PRKAR1B: variants seen among roughly 807,000 people sequenced by gnomAD.
PRKAR1B encodes cAMP-dependent protein kinase type I-beta regulatory subunit.
PRKAR1B carries 22 observed loss-of-function variants against 46.5 expected under a neutral mutation model. That is an observed-to-expected ratio of 0.47 (90% CI 0.34 to 0.68). PRKAR1B has a LOEUF of 0.68. Ranked by LOEUF, PRKAR1B falls within the 30% of genes least tolerant of loss-of-function variation. The pLI, the probability that PRKAR1B is intolerant of heterozygous loss-of-function variation, is 0.01. For synonymous variants in PRKAR1B, 259 were observed against 217.7 expected (o/e 1.19, Z -1.67); for missense variants, 445 against 535.6 (o/e 0.83, Z 1.67).
At chr7:659,383 T>A (rs913333749) in intron 4 of PRKAR1B, among the ~76,000 whole-genome samples, 1 of 152,134 alleles carries the variant, frequency 6.6e-6, no homozygotes, top group African/African-American at 2.4e-5. Flanking sequence ...ATAGCTTCCA[T>A]CCTAGTGGAG....
intron 9 of PRKAR1B, among the ~76,000 whole-genome samples, chr7:569,056 T>A (rs1430514630): frequency 6.6e-6 from 1 of 150,562 alleles, no homozygotes; most frequent in African/African-American, 2.4e-5. Context: ...TTGTATAATG[T>A]TACTTACATT....
chr7:710,739 G>A (rs1049308624), intron 2 of PRKAR1B, among the ~76,000 whole-genome samples: 14 of 143,162 alleles, frequency 9.8e-5, no homozygotes, highest in Non-Finnish European at 1.4e-4. Flanking sequence ...TCCACCTCCC[G>A]GTTCAAGCAA....
At chr7:586,486 C>G (rs1256822710) in intron 7 of PRKAR1B, among the ~76,000 whole-genome samples, 1 of 152,224 alleles carries the variant, frequency 6.6e-6, no homozygotes, top group Non-Finnish European at 1.5e-5. Context: ...AGAGGAGGAG[C>G]AGCACCTTCC....
intron 2 of PRKAR1B, among the ~76,000 whole-genome samples, chr7:698,988 A>G (rs1703820636): frequency 6.6e-6 from 1 of 152,176 alleles, no homozygotes; most frequent in Admixed American, 6.5e-5. Context: ...ACACAGGGGC[A>G]CCAGCCTTGC....
rs1458420024 is a variant in PRKAR1B at position 670,842 on chromosome 7, G to A, written c.440+6387C>T. ...CCGTGGCATCCGGCAGCGGGGCTCC[G>A]GACCGAGGACAGCCTCCGAGCTCCC... is the stretch of plus-strand genomic sequence containing the variant. On this transcript the variant is annotated intron_variant, in intron 4 of 10. Transcript: ENST00000537384. Among the ~76,000 whole-genome samples, 8 of 151,538 alleles carry A rather than the reference G, an allele frequency of 5.3e-5. No individual in the cohort carries two copies. In the South Asian group the frequency reaches 8.3e-4, roughly 16 times the overall value.
At chr7:606,160 G>A (rs370509663) in intron 6 of PRKAR1B, 33 bp downstream of exon 6, 23 of 1,611,392 alleles carry the variant, frequency 1.4e-5, no homozygotes, top group Middle Eastern at 1.7e-4. Context: ...GCAAAGACGC[G>A]CTATTTTCCA....
At chr7:695,635 C>T (rs1583431548) in intron 2 of PRKAR1B, among the ~76,000 whole-genome samples, 4 of 151,456 alleles carry the variant, frequency 2.6e-5, no homozygotes, top group South Asian at 2.1e-4. Context: ...AGCCAGCCAC[C>T]GGTGGGGTCA....
At chr7:569,961 G>A (rs967191146) in intron 9 of PRKAR1B, among the ~76,000 whole-genome samples, 12 of 152,338 alleles carry the variant, frequency 7.9e-5, no homozygotes, top group South Asian at 6.2e-4. Context: ...GCCCAGCCCC[G>A]GGGTTCTGGA....
intron 9 of PRKAR1B, among the ~76,000 whole-genome samples, chr7:555,743 A>C (rs1029775183): frequency 1.3e-5 from 2 of 152,154 alleles, no homozygotes; most frequent in African/African-American, 4.8e-5. Flanking sequence ...CCAAGGCCAC[A>C]CAGTCAGAGT....
intron 4 of PRKAR1B, among the ~76,000 whole-genome samples, chr7:647,437 GCTCCCA>G (rs1283563584): frequency 2.0e-5 from 3 of 151,752 alleles, no homozygotes; most frequent in Non-Finnish European, 4.4e-5. Context: ...CCCCCCAGCA[GCTCCCA>G]CTCCGTCCGG....
chr7:703,099 G>A (rs530140988), intron 2 of PRKAR1B, among the ~76,000 whole-genome samples: 3 of 152,246 alleles, frequency 2.0e-5, no homozygotes, highest in South Asian at 2.1e-4. Flanking sequence ...TCCTAATAAT[G>A]TGGCTGTATT....
chr7:570,705 G>A (rs756765096), intron 9 of PRKAR1B, among the ~76,000 whole-genome samples: 9 of 152,162 alleles, frequency 5.9e-5, no homozygotes, highest in Non-Finnish European at 1.0e-4. Context: ...CATTGCGGCC[G>A]TCACACCCAG....
intron 8 of PRKAR1B, among the ~76,000 whole-genome samples, chr7:583,175 G>A (rs1458980353): frequency 6.6e-6 from 1 of 151,976 alleles, no homozygotes; most frequent in South Asian, 2.1e-4. Context: ...GCCCTGAAAT[G>A]CGCTTCCGGG....
intron 4 of PRKAR1B, among the ~76,000 whole-genome samples, chr7:665,055 G>T (rs750449126): frequency 1.3e-5 from 2 of 152,120 alleles, no homozygotes; most frequent in African/African-American, 2.4e-5. Flanking sequence ...AAGCAAGAGG[G>T]CTTGTTGTCA....
In PRKAR1B at chr7:680,613, T is replaced by A. The variant is rs1003652118; in HGVS notation, c.291A>T (p.Arg97=). 6.4e-7 allele frequency: 1 copy of A among 1,571,440 alleles called. No individual in the cohort carries two copies. The highest frequency in any genetic ancestry group is 1.4e-5 in the African/African-American group (1 of 73,424). ...TGTACACCTCGGCACTCACGCCTCCTCGCCGGCGGCGGGCCTTCACCACAG... is the reference window on the plus strand; with the variant it reads ...TGTACACCTCGGCACTCACGCCTCCACGCCGGCGGCGGGCCTTCACCACAG... ...PNPVVKARRR[R]GGVSAEVYTE... Residue 97 remains arginine (R), a synonymous_variant, in exon 3 of 11, where the codon CGA becomes CGT. Transcript: ENST00000537384.
intron 4 of PRKAR1B, among the ~76,000 whole-genome samples, chr7:664,995 G>A (rs1785825651): frequency 6.6e-6 from 1 of 151,854 alleles, no homozygotes; most frequent in Admixed American, 6.6e-5. Flanking sequence ...TCACCTGGGG[G>A]AAGTGGTAAG....
chr7:582,639 C>G (rs914845978), intron 8 of PRKAR1B, among the ~76,000 whole-genome samples: 1 of 152,258 alleles, frequency 6.6e-6, no homozygotes, highest in Admixed American at 6.5e-5. Flanking sequence ...CCACCTCCAG[C>G]CGGGGGGTCA....
intron 2 of PRKAR1B, chr7:691,891 A>ACAATCTCT: frequency 8.9e-7 from 1 of 1,128,440 alleles, no homozygotes; most frequent in South Asian, 1.9e-5. Flanking sequence ...TCAGAATGGC[A>ACAATCTCT]CAGACGCCTC....
chr7:697,380 C>T (rs1027239407), intron 2 of PRKAR1B, among the ~76,000 whole-genome samples: 2 of 152,122 alleles, frequency 1.3e-5, no homozygotes, highest in Admixed American at 6.5e-5. Context: ...GGTTCTCGCT[C>T]CTGTGGGGAC....
Sources: allele counts gnomAD v4.1 joint callset (sites outside exome capture counted in the v4.1 genomes callset), GRCh38; gene constraint gnomAD v4.1.1; transcripts MANE v1.5; gene names NCBI Gene and HGNC (gene_info 2026-07-23, HGNC 2026-07-21).